MBNL1: variants seen among roughly 807,000 people sequenced by gnomAD.
MBNL1 encodes muscleblind like splicing regulator 1, also known as muscleblind-like protein 1.
In MBNL1, 8 loss-of-function variants were observed where a neutral mutation model predicts 42.2. The ratio of observed to expected loss-of-function variants is 0.19; its 90% confidence interval spans 0.11 to 0.34. The LOEUF (loss-of-function observed/expected upper bound fraction) is 0.34, where lower values mean the gene tolerates loss of function less well. Ranked by LOEUF, MBNL1 falls within the 10% of genes least tolerant of loss-of-function variation. The pLI is 1.00. For synonymous variants in MBNL1, 169 were observed against 173.9 expected (o/e 0.97, Z 0.22); for missense variants, 309 against 495.3 (o/e 0.62, Z 3.57).
At chr3:152,338,596 GA>G in intron 2 of MBNL1, 3 of 985,366 alleles carry the variant, frequency 3.0e-6, no homozygotes, top group Middle Eastern at 5.2e-4. Context: ...AAGACTCTGG[GA>G]GGAAGAGAAT....
chr3:152,415,226 T>TTA (rs879592307), intron 3 of MBNL1, 115 bp downstream of exon 3: 4 of 1,015,306 alleles, frequency 3.9e-6, no homozygotes, highest in Non-Finnish European at 5.4e-6. Flanking sequence ...TTCAGTTGCC[T>TTA]TACCATTTTC....
At chr3:152,399,778 C>T (rs932741289) in intron 2 of MBNL1, among the ~76,000 whole-genome samples, 3 of 152,178 alleles carry the variant, frequency 2.0e-5, no homozygotes, top group Admixed American at 1.3e-4. Context: ...ACTGGGATTA[C>T]AGGCATGAGC....
chr3:152,278,693 C>T (rs1204012010), intron 1 of MBNL1, among the ~76,000 whole-genome samples: 1 of 152,066 alleles, frequency 6.6e-6, no homozygotes, highest in Non-Finnish European at 1.5e-5. Context: ...TTACTAAGTG[C>T]TGAGGTCTTT....
At chr3:152,286,766 A>T (rs571216226) in intron 1 of MBNL1, among the ~76,000 whole-genome samples, 3 of 151,976 alleles carry the variant, frequency 2.0e-5, no homozygotes, top group South Asian at 4.1e-4. Flanking sequence ...AAAGTATGGA[A>T]AGTTTTGAGA....
chr3:152,402,738 A>G (rs2098279984), intron 2 of MBNL1, among the ~76,000 whole-genome samples: 1 of 152,226 alleles, frequency 6.6e-6, no homozygotes, highest in African/African-American at 2.4e-5. Flanking sequence ...AAATGGGGCT[A>G]TAGTATGTCA....
chr3:152,351,178 C>T lies in MBNL1; in HGVS notation c.174+50811C>T, dbSNP rs536355296. On this transcript the variant is annotated intron_variant, in intron 2 of 9. Coordinates refer to ENST00000324210, the MANE Select transcript of MBNL1 (RefSeq NM_021038.5). The stretch of plus-strand genomic sequence containing the variant: ...ATCCAAAGCCAGATAGAAGTTGTAA[C>T]TATAATTCATTGTAATAAGTAGAAA... 2.6e-5 allele frequency among the ~76,000 whole-genome samples: 4 copies of T among 151,698 alleles called. No homozygotes were observed. The South Asian group carries it at 8.3e-4, about 32-fold the overall frequency.
chr3:152,461,918 T>G (rs1428337580), intron 9 of MBNL1, among the ~76,000 whole-genome samples: 3 of 152,188 alleles, frequency 2.0e-5, no homozygotes, highest in Non-Finnish European at 4.4e-5. Flanking sequence ...TCATTCTTTT[T>G]TTTTCAAACA....
At chr3:152,361,495 A>G (rs991312025) in intron 2 of MBNL1, among the ~76,000 whole-genome samples, 1 of 151,366 alleles carries the variant, frequency 6.6e-6, no homozygotes, top group Non-Finnish European at 1.5e-5. Context: ...AAAAGATACA[A>G]GATGTTCCAG....
intron 4 of MBNL1, among the ~76,000 whole-genome samples, chr3:152,434,216 C>T (rs1387757562): frequency 1.3e-5 from 2 of 152,200 alleles, no homozygotes; most frequent in African/African-American, 4.8e-5. Context: ...CATCCACCCT[C>T]AAATAGGCCC....
At chr3:152,385,111 A>T (rs1322716972) in intron 2 of MBNL1, among the ~76,000 whole-genome samples, 1 of 152,024 alleles carries the variant, frequency 6.6e-6, no homozygotes, top group African/African-American at 2.4e-5. Flanking sequence ...TAGTTTTGAG[A>T]TGTGATTTGC....
At chr3:152,292,998 G>A (rs2056844850) in intron 1 of MBNL1, among the ~76,000 whole-genome samples, 1 of 151,972 alleles carries the variant, frequency 6.6e-6, no homozygotes, top group South Asian at 2.1e-4. Flanking sequence ...CGAACACCTG[G>A]CCTCAAGCAG....
At chr3:152,403,720 C>T (rs2098329147) in intron 2 of MBNL1, among the ~76,000 whole-genome samples, 1 of 151,790 alleles carries the variant, frequency 6.6e-6, no homozygotes, top group African/African-American at 2.4e-5. Context: ...CTTTTTTTTG[C>T]CTCAAGAGAT....
chr3:152,332,966 A>C (rs1209898585), intron 2 of MBNL1, among the ~76,000 whole-genome samples: 1 of 152,136 alleles, frequency 6.6e-6, no homozygotes, highest in Non-Finnish European at 1.5e-5. Flanking sequence ...AGAGCTAATT[A>C]AAGGAAGTCA....
intron 2 of MBNL1, 101 bp downstream of exon 2, chr3:152,300,468 T>C (rs1211679855): frequency 3.7e-5 from 38 of 1,022,422 alleles, no homozygotes; most frequent in Admixed American, 1.1e-4. Flanking sequence ...GCTTTGTTCA[T>C]AGTTTAGTTA....
intron 2 of MBNL1, among the ~76,000 whole-genome samples, chr3:152,318,566 G>A (rs965077303): frequency 6.6e-6 from 1 of 152,114 alleles, no homozygotes; most frequent in Admixed American, 6.5e-5. Context: ...AATTAAAATA[G>A]GACTTGATTG....
chr3:152,428,398 C>T (rs895671230), intron 3 of MBNL1, among the ~76,000 whole-genome samples: 8 of 152,010 alleles, frequency 5.3e-5, no homozygotes, highest in South Asian at 2.1e-4. Context: ...TATGCTGATT[C>T]GAGTAATTAG....
At chr3:152,344,929 C>A (rs781001473) in intron 2 of MBNL1, among the ~76,000 whole-genome samples, 1 of 152,106 alleles carries the variant, frequency 6.6e-6, no homozygotes, top group Non-Finnish European at 1.5e-5. Context: ...TTTGCTTTTA[C>A]TGTAAAAGAG....
In MBNL1 at chr3:152,457,753, A is replaced by G. The variant is rs533592084; in HGVS notation, c.1092+1392A>G. 4.3e-5 allele frequency: 8 copies of G among 187,674 alleles called. No individual in the cohort carries two copies. In the South Asian group the frequency reaches 9.6e-4, roughly 23 times the overall value. 11.6% of individuals were successfully genotyped at this position (187,674 alleles called of 1,614,324 possible). A position where few individuals can be genotyped will look rare whatever the true frequency, so the allele number is the denominator to read the frequency against. On this transcript the variant is annotated intron_variant, in intron 8 of 9. Coordinates refer to ENST00000324210, the MANE Select transcript of MBNL1 (RefSeq NM_021038.5). ...CCATCTATGGTGCAAATCAATGATA[A>G]AGAACTCTCATGCGTCTACCATGTA...
intron 2 of MBNL1, among the ~76,000 whole-genome samples, chr3:152,342,872 A>G (rs1420173209): frequency 6.6e-6 from 1 of 152,194 alleles, no homozygotes; most frequent in Non-Finnish European, 1.5e-5. Context: ...TTTTAATACA[A>G]TTAAAGAGCT....
Sources: gnomAD v4.1 joint callset for allele counts (sites outside exome capture counted in the v4.1 genomes callset) on GRCh38, gnomAD v4.1.1 for gene constraint, MANE v1.5 for transcripts, NCBI Gene and HGNC (gene_info 2026-07-23, HGNC 2026-07-21) for gene names.